The following IL1RAPL2 variants were observed in gnomAD, a reference collection of about 807,000 sequenced individuals.
The protein encoded by IL1RAPL2 is interleukin 1 receptor accessory protein like 2.
In IL1RAPL2, 3 loss-of-function variants were observed where a neutral mutation model predicts 44.1. That is an observed-to-expected ratio of 0.07 (90% CI 0.03 to 0.18). The LOEUF (loss-of-function observed/expected upper bound fraction) is 0.18. IL1RAPL2 is among the 10% of genes least tolerant of loss of function. IL1RAPL2 has a pLI of 1.00. For synonymous variants in IL1RAPL2, 181 were observed against 178.8 expected (o/e 1.01, Z -0.10); for missense variants, 391 against 496.4 (o/e 0.79, Z 2.02).
At chrX:105,082,729 C>T (rs2032429298) in intron 2 of IL1RAPL2, among the ~76,000 whole-genome samples, 1 of 111,988 alleles carries the variant, frequency 8.9e-6, no homozygotes, top group African/African-American at 3.2e-5. Flanking sequence ...AGAAGGAAAA[C>T]TAACAAACAG....
intron 3 of IL1RAPL2, among the ~76,000 whole-genome samples, chrX:105,224,166 T>C (rs1556186013): frequency 9.1e-6 from 1 of 110,463 alleles, no homozygotes; most frequent in Non-Finnish European, 1.9e-5. Context: ...AGCAGATACC[T>C]TTAGGGATAG....
At chrX:105,139,368 A>C (rs1422283307) in intron 2 of IL1RAPL2, among the ~76,000 whole-genome samples, 1 of 111,139 alleles carries the variant, frequency 9.0e-6, no homozygotes, top group Non-Finnish European at 1.9e-5. Flanking sequence ...AAGGGGGGAG[A>C]ATGTGGAAGG....
At chrX:105,469,293 C>T (rs2036150752) in intron 5 of IL1RAPL2, among the ~76,000 whole-genome samples, 1 of 110,239 alleles carries the variant, frequency 9.1e-6, no homozygotes, top group African/African-American at 3.3e-5. Flanking sequence ...AGTGTTTAGC[C>T]TGAAAGGGGA....
intron 2 of IL1RAPL2, among the ~76,000 whole-genome samples, chrX:104,923,869 TAA>T (rs35636547): frequency 1.9e-5 from 2 of 104,364 alleles, no homozygotes; most frequent in Non-Finnish European, 3.9e-5. Flanking sequence ...AAGTTGGATT[TAA>T]AAAAAAAAAT....
chrX:105,225,602 C>T (rs1430387514), intron 3 of IL1RAPL2, among the ~76,000 whole-genome samples: 1 of 111,408 alleles, frequency 9.0e-6, no homozygotes, highest in Non-Finnish European at 1.9e-5. Context: ...TTTTACATGT[C>T]TGTGAGCAGA....
At chrX:104,786,947 C>A (rs1327333222) in intron 2 of IL1RAPL2, among the ~76,000 whole-genome samples, 2 of 95,386 alleles carry the variant, frequency 2.1e-5, no homozygotes, top group Non-Finnish European at 4.2e-5. Context: ...CTCTCTCTCT[C>A]TCTCTCTCTC....
At chrX:105,283,684 CTTA>C (rs2034549522) in intron 5 of IL1RAPL2, among the ~76,000 whole-genome samples, 1 of 110,581 alleles carries the variant, frequency 9.0e-6, no homozygotes, top group South Asian at 3.8e-4. Flanking sequence ...TTTAGAAATA[CTTA>C]TTATATACTC....
chrX:104,841,820 C>T (rs1048315817), intron 2 of IL1RAPL2, among the ~76,000 whole-genome samples: 3 of 110,456 alleles, frequency 2.7e-5, no homozygotes, highest in African/African-American at 9.9e-5. Context: ...CTGCCCTTAA[C>T]ATTTTTTCCT....
intron 1 of IL1RAPL2, among the ~76,000 whole-genome samples, chrX:104,631,173 C>A (rs1028380779): frequency 5.4e-5 from 6 of 111,590 alleles, no homozygotes; most frequent in Admixed American, 2.9e-4. Context: ...TGAACTCATC[C>A]TTTTTTATGG....
rs771537512 is a variant in IL1RAPL2 at position 105,314,687 on chromosome X, AT to A, written c.697+47147del. ...GTGAGTAAGCTAAGATGGAGCCAGG[AT>A]AAGGTCAGTAAGCCAATGCAAATCA... On this transcript the variant is annotated intron_variant, in intron 5 of 10. Transcript: ENST00000372582. 2.8e-4 allele frequency among the ~76,000 whole-genome samples: 31 copies of A among 112,104 alleles called. No homozygotes were observed. The Middle Eastern group carries it at 0.014, about 50-fold the overall frequency.
chrX:105,656,189 G>T (rs1272757720), intron 6 of IL1RAPL2, among the ~76,000 whole-genome samples: 1 of 111,206 alleles, frequency 9.0e-6, no homozygotes, highest in Non-Finnish European at 1.9e-5. Context: ...TAGTTAACAG[G>T]TTCTTGTCGG....
At chrX:105,412,112 A>G (rs2147741350) in intron 5 of IL1RAPL2, among the ~76,000 whole-genome samples, 1 of 111,194 alleles carries the variant, frequency 9.0e-6, no homozygotes, top group Non-Finnish European at 1.9e-5. Context: ...GACAAATGAC[A>G]ATGGAAAACA....
chrX:104,755,532 A>G lies in IL1RAPL2; in HGVS notation c.82+96537A>G, dbSNP rs766557931. Among the ~76,000 whole-genome samples, 6 of 110,698 alleles carry G rather than the reference A, an allele frequency of 5.4e-5. No individual in the cohort carries two copies. In the South Asian group the frequency reaches 2.0e-3, roughly 36 times the overall value. On this transcript the variant is annotated intron_variant, in intron 2 of 10. Coordinates refer to ENST00000372582, the MANE Select transcript of IL1RAPL2 (RefSeq NM_017416.2). ...CCCCTGAACCTAAAATTAAGAAGTT[A>G]AAGTTTTTGAGAAATGTGAACCTAG...
At chrX:105,644,784 C>A (rs1463744421) in intron 6 of IL1RAPL2, among the ~76,000 whole-genome samples, 2 of 110,010 alleles carry the variant, frequency 1.8e-5, no homozygotes, top group African/African-American at 6.6e-5. Context: ...CAACAGGCCT[C>A]GGTGTGTGAT....
intron 2 of IL1RAPL2, among the ~76,000 whole-genome samples, chrX:105,022,809 G>A (rs991801654): frequency 9.0e-6 from 1 of 111,051 alleles, no homozygotes; most frequent in African/African-American, 3.3e-5. Flanking sequence ...GAAATGGTTA[G>A]TGGGCAAGCA....
chrX:105,610,197 T>C (rs2037325684), intron 6 of IL1RAPL2, among the ~76,000 whole-genome samples: 1 of 111,786 alleles, frequency 8.9e-6, no homozygotes, highest in Admixed American at 9.5e-5. Flanking sequence ...GGATAGAAGA[T>C]TGATTCTTGG....
At chrX:105,078,002 G>T (rs1051003222) in intron 2 of IL1RAPL2, among the ~76,000 whole-genome samples, 1 of 111,337 alleles carries the variant, frequency 9.0e-6, no homozygotes, top group Non-Finnish European at 1.9e-5. Context: ...CTTTAGCTTG[G>T]AGTAGTTTGA....
chrX:104,988,162 G>A (rs2030596945), intron 2 of IL1RAPL2, among the ~76,000 whole-genome samples: 1 of 112,170 alleles, frequency 8.9e-6, no homozygotes, highest in African/African-American at 3.2e-5. Context: ...TTTCCTGTAG[G>A]GATACATGCC....
At chrX:104,932,779 C>T (rs1341645107) in intron 2 of IL1RAPL2, among the ~76,000 whole-genome samples, 1 of 112,350 alleles carries the variant, frequency 8.9e-6, no homozygotes, top group Non-Finnish European at 1.9e-5. Flanking sequence ...TTTTAAAAGA[C>T]TTTCTTGTTA....
Sources: gnomAD v4.1 joint callset for allele counts (sites outside exome capture counted in the v4.1 genomes callset) on GRCh38, gnomAD v4.1.1 for gene constraint, MANE v1.5 for transcripts, NCBI Gene and HGNC (gene_info 2026-07-23, HGNC 2026-07-21) for gene names.